Variants in SLC20A2 observed in about 807,000 individuals in gnomAD.
SLC20A2 encodes the protein sodium-dependent phosphate transporter 2.
SLC20A2 carries 30 observed loss-of-function variants against 61.0 expected under a neutral mutation model. The observed-to-expected ratio is 0.49, with a 90% CI of 0.37 to 0.67. The LOEUF is 0.67. Among genes scored for constraint, SLC20A2 ranks in the 30% least tolerant of loss-of-function variants. The pLI is 0.00. For synonymous variants in SLC20A2, 351 were observed against 353.3 expected, an observed-to-expected ratio of 0.99 and a Z score of 0.07; for missense variants, 626 against 866.4, an observed-to-expected ratio of 0.72 and a Z score of 3.48.
intron 1 of SLC20A2, among the ~76,000 whole-genome samples, chr8:42,513,491 C>A (rs1004854397): frequency 6.6e-6 from 1 of 152,146 alleles, no homozygotes; most frequent in East Asian, 1.9e-4. Context: ...TTTGATCTTG[C>A]CTTTTTATAC....
At chr8:42,453,735 G>C (rs1027004670) in intron 5 of SLC20A2, among the ~76,000 whole-genome samples, 64 of 152,154 alleles carry the variant, frequency 4.2e-4, no homozygotes, top group African/African-American at 1.5e-3. Flanking sequence ...AAAATGGTGG[G>C]ACCTTCAGAG....
chr8:42,452,661 G>A (rs1323780939), intron 5 of SLC20A2, among the ~76,000 whole-genome samples: 1 of 150,658 alleles, frequency 6.6e-6, no homozygotes, highest in Non-Finnish European at 1.5e-5. Flanking sequence ...AAGAGGAGGA[G>A]ACAGAGATGG....
intron 1 of SLC20A2, among the ~76,000 whole-genome samples, chr8:42,478,280 C>T (rs1808302007): frequency 6.9e-6 from 1 of 144,258 alleles, no homozygotes; most frequent in Non-Finnish European, 1.5e-5. Context: ...GGTTTGATCT[C>T]TGCTCACTAC....
At chr8:42,440,824 G>A (rs1234318747) in intron 6 of SLC20A2, among the ~76,000 whole-genome samples, 1 of 151,928 alleles carries the variant, frequency 6.6e-6, no homozygotes, top group African/African-American at 2.4e-5. Context: ...TTTTTGAGAT[G>A]GAATCTCACT....
chr8:42,419,022 A>AC (rs890989010), intron 10 of SLC20A2, among the ~76,000 whole-genome samples: 1 of 151,738 alleles, frequency 6.6e-6, no homozygotes, highest in Non-Finnish European at 1.5e-5. Flanking sequence ...AAAAAAAAAA[A>AC]AAAAAAAAAT....
intron 1 of SLC20A2, among the ~76,000 whole-genome samples, chr8:42,499,727 T>C (rs1810198188): frequency 6.6e-6 from 1 of 152,180 alleles, no homozygotes; most frequent in South Asian, 2.1e-4. Flanking sequence ...TCAGAATTTT[T>C]TGGATAAAAA....
chr8:42,531,346 A>G (rs1812307739), intron 1 of SLC20A2, among the ~76,000 whole-genome samples: 3 of 152,124 alleles, frequency 2.0e-5, no homozygotes, highest in Admixed American at 2.0e-4. Flanking sequence ...CCACCCTCAC[A>G]ATTAAGGCAG....
intron 3 of SLC20A2, among the ~76,000 whole-genome samples, chr8:42,464,284 T>TTC (rs1224340086): frequency 7.5e-6 from 1 of 132,570 alleles, no homozygotes; most frequent in African/African-American, 2.7e-5. Context: ...ATTTTCTTTC[T>TTC]TTTTTTTTTT....
intron 10 of SLC20A2, among the ~76,000 whole-genome samples, chr8:42,420,758 G>T (rs575219827): frequency 5.9e-5 from 9 of 152,206 alleles, no homozygotes; most frequent in Admixed American, 2.0e-4. Context: ...CCATTTAGAG[G>T]CATTAAGTAC....
chr8:42,529,066 T>C lies in SLC20A2; in HGVS notation c.-265+12755A>G, dbSNP rs982655939. ...CGTACCTCACCATAACCTCAAACTC[T>C]TTGGCTCAAGCAATCCTTCCACTTC... On this transcript the variant is annotated intron_variant, in intron 1 of 10. Transcript: ENST00000342228. 1.3e-5 allele frequency among the ~76,000 whole-genome samples: 2 copies of C among 151,994 alleles called. 1 individual carries two copies. The highest frequency in any genetic ancestry group is 4.1e-4 in the South Asian group (2 of 4,822).
At chr8:42,476,157 C>T (rs951634894) in intron 1 of SLC20A2, among the ~76,000 whole-genome samples, 4 of 132,470 alleles carry the variant, frequency 3.0e-5, no homozygotes, top group Admixed American at 1.9e-4. Context: ...AGTGCAGTGG[C>T]GCGATCTCGG....
chr8:42,458,950 C>A (rs867288725), intron 5 of SLC20A2, among the ~76,000 whole-genome samples: 5 of 139,578 alleles, frequency 3.6e-5, no homozygotes, highest in Admixed American at 2.2e-4. Flanking sequence ...ACCCCCCCCC[C>A]CACAAAAAAC....
At chr8:42,532,812 T>G (rs1028604498) in intron 1 of SLC20A2, among the ~76,000 whole-genome samples, 5 of 152,054 alleles carry the variant, frequency 3.3e-5, no homozygotes, top group African/African-American at 1.2e-4. Context: ...GAGTGGAACG[T>G]AAGTGGACCA....
At chr8:42,464,689 T>C (rs1194778604) in intron 3 of SLC20A2, among the ~76,000 whole-genome samples, 2 of 152,122 alleles carry the variant, frequency 1.3e-5, no homozygotes, top group African/African-American at 2.4e-5. Context: ...AACAGGAACT[T>C]TGGCCAGGTG....
intron 1 of SLC20A2, among the ~76,000 whole-genome samples, chr8:42,516,680 T>C (rs1163434950): frequency 6.6e-6 from 1 of 152,224 alleles, no homozygotes; most frequent in Non-Finnish European, 1.5e-5. Flanking sequence ...TTTTATACCA[T>C]CCTTCAGATC....
chr8:42,493,967 C>A (rs1196364461), intron 1 of SLC20A2, among the ~76,000 whole-genome samples: 1 of 152,126 alleles, frequency 6.6e-6, no homozygotes, highest in Non-Finnish European at 1.5e-5. Flanking sequence ...CATAGCGAGA[C>A]CCTGTCTCTA....
At chr8:42,490,932 C>T (rs1005760495) in intron 1 of SLC20A2, among the ~76,000 whole-genome samples, 2 of 151,096 alleles carry the variant, frequency 1.3e-5, no homozygotes, top group Admixed American at 1.3e-4. Context: ...TAACTCCTAA[C>T]ACCTACGTTA....
chr8:42,458,192 CA>C (rs1806362124), intron 5 of SLC20A2, among the ~76,000 whole-genome samples: 1 of 152,150 alleles, frequency 6.6e-6, no homozygotes, highest in African/African-American at 2.4e-5. Flanking sequence ...AGGCGCATCT[CA>C]CAAACAGAAG....
At chr8:42,493,602 CAG>C (rs1809687096) in intron 1 of SLC20A2, among the ~76,000 whole-genome samples, 1 of 152,164 alleles carries the variant, frequency 6.6e-6, no homozygotes, top group Non-Finnish European at 1.5e-5. Flanking sequence ...CTAAAGTCCC[CAG>C]CTTGCTGCCA....
Sources: allele counts gnomAD v4.1 joint callset (sites outside exome capture counted in the v4.1 genomes callset), GRCh38; gene constraint gnomAD v4.1.1; transcripts MANE v1.5; gene names NCBI Gene and HGNC (gene_info 2026-07-23, HGNC 2026-07-21).